ROR1: variants seen among roughly 807,000 people sequenced by gnomAD.
ROR1 encodes the protein inactive tyrosine-protein kinase transmembrane receptor ROR1.
Under a neutral mutation model 78.8 loss-of-function variants are expected in ROR1, and 19 were observed. That is an observed-to-expected ratio of 0.24 (90% CI 0.17 to 0.35). ROR1 has a LOEUF of 0.35. Among genes scored for constraint, ROR1 ranks in the 10% least tolerant of loss-of-function variants. The probability of loss-of-function intolerance (pLI) is 1.00; values close to 1 mark genes in which losing one functional copy is unlikely to be tolerated. For synonymous variants in ROR1, 386 were observed against 433.6 expected (o/e 0.89, Z 1.36); for missense variants, 917 against 1,177.8 (o/e 0.78, Z 3.24).
intron 1 of ROR1, among the ~76,000 whole-genome samples, chr1:63,959,724 A>G (rs1234576954): frequency 6.6e-6 from 1 of 152,128 alleles, no homozygotes; most frequent in Non-Finnish European, 1.5e-5. Flanking sequence ...TGAGCTAAGG[A>G]GCTAGGATTC....
intron 2 of ROR1, among the ~76,000 whole-genome samples, chr1:64,040,530 A>G (rs1396769167): frequency 3.9e-5 from 6 of 152,200 alleles, no homozygotes; most frequent in Admixed American, 3.9e-4. Context: ...GCTATAATAA[A>G]CTACCATAGA....
At chr1:64,079,970 CT>C (rs1647087831) in intron 4 of ROR1, among the ~76,000 whole-genome samples, 1 of 152,074 alleles carries the variant, frequency 6.6e-6, no homozygotes, top group Non-Finnish European at 1.5e-5. Flanking sequence ...GAGAGGGCTT[CT>C]TTCTATAATT....
chr1:64,018,905 G>T (rs1369619472), intron 2 of ROR1, among the ~76,000 whole-genome samples: 1 of 152,176 alleles, frequency 6.6e-6, no homozygotes. Flanking sequence ...AATCAGGCTA[G>T]ACCCTATTCC....
intron 4 of ROR1, among the ~76,000 whole-genome samples, chr1:64,057,794 C>T (rs1646887108): frequency 6.6e-6 from 1 of 152,112 alleles, no homozygotes; most frequent in South Asian, 2.1e-4. Flanking sequence ...TGTTCTTTTT[C>T]AAGACTTTTG....
chr1:64,046,549 G>A (rs1646787036), intron 2 of ROR1, among the ~76,000 whole-genome samples: 1 of 152,204 alleles, frequency 6.6e-6, no homozygotes, highest in African/African-American at 2.4e-5. Context: ...CAGGTGAGGT[G>A]CCTGGCCTCT....
chr1:63,942,069 C>A (rs1337383518), intron 1 of ROR1, among the ~76,000 whole-genome samples: 1 of 152,160 alleles, frequency 6.6e-6, no homozygotes. Flanking sequence ...TCCAGTGAAA[C>A]CTTTTTCTCC....
intron 4 of ROR1, among the ~76,000 whole-genome samples, chr1:64,129,429 A>G (rs556596643): frequency 6.6e-6 from 1 of 152,312 alleles, no homozygotes; most frequent in Non-Finnish European, 1.5e-5. Context: ...ATTATTCTTA[A>G]TAGGCAATTT....
intron 1 of ROR1, chr1:63,775,189 G>T (rs982838069): frequency 6.6e-6 from 1 of 152,044 alleles, no homozygotes; most frequent in African/African-American, 2.4e-5. Flanking sequence ...GCGCGCGCGC[G>T]TGTGTGTGTG....
intron 1 of ROR1, among the ~76,000 whole-genome samples, chr1:63,960,241 G>T (rs952160561): frequency 9.2e-5 from 14 of 152,166 alleles, no homozygotes; most frequent in South Asian, 2.1e-4. Context: ...GAGAATAAAA[G>T]AATTTTCCCT....
intron 2 of ROR1, among the ~76,000 whole-genome samples, chr1:64,048,515 A>G (rs990151435): frequency 1.3e-5 from 2 of 152,198 alleles, no homozygotes; most frequent in Non-Finnish European, 2.9e-5. Flanking sequence ...ATGAGAAAGT[A>G]TGGCAGGGGA....
chr1:63,787,593 C>T (rs1367555144), intron 1 of ROR1, among the ~76,000 whole-genome samples: 1 of 150,190 alleles, frequency 6.7e-6, no homozygotes, highest in African/African-American at 2.5e-5. Flanking sequence ...ATGGTGCGAT[C>T]TCAGCTCACT....
chr1:64,081,499 G>A lies in ROR1; in HGVS notation c.482+30783G>A, dbSNP rs1320912656. Among the ~76,000 whole-genome samples, 5 of 152,180 alleles carry A rather than the reference G, an allele frequency of 3.3e-5. No individual in the cohort carries two copies. In the South Asian group the frequency reaches 6.2e-4, roughly 19 times the overall value. On this transcript the variant is annotated intron_variant, in intron 4 of 8. Transcript: ENST00000371079. ...TAATGTCAAGAATAAGAAGCAGGCC[G>A]GGCTTGGTGGCTCACACCTATAATC...
chr1:63,981,580 TC>T (rs1646210491), intron 1 of ROR1, among the ~76,000 whole-genome samples: 1 of 152,128 alleles, frequency 6.6e-6, no homozygotes, highest in African/African-American at 2.4e-5. Context: ...AGGACATGGA[TC>T]CTGCCAGACT....
chr1:63,790,486 G>A (rs1644719372), intron 1 of ROR1, among the ~76,000 whole-genome samples: 1 of 152,240 alleles, frequency 6.6e-6, no homozygotes, highest in Non-Finnish European at 1.5e-5. Flanking sequence ...TCCAGAGCTG[G>A]GCTGTTTTCC....
chr1:64,038,624 T>G (rs1324004569), intron 2 of ROR1, among the ~76,000 whole-genome samples: 1 of 152,202 alleles, frequency 6.6e-6, no homozygotes, highest in Non-Finnish European at 1.5e-5. Flanking sequence ...TTCCCCTTTC[T>G]AGGGTTCTTT....
chr1:63,914,692 T>C (rs1645596191), intron 1 of ROR1, among the ~76,000 whole-genome samples: 1 of 152,112 alleles, frequency 6.6e-6, no homozygotes, highest in Non-Finnish European at 1.5e-5. Flanking sequence ...GGAACCCTCT[T>C]CTCTGCTTGG....
chr1:64,151,276 G>T (rs1210126134), intron 7 of ROR1, among the ~76,000 whole-genome samples: 1 of 152,150 alleles, frequency 6.6e-6, no homozygotes, highest in Non-Finnish European at 1.5e-5. Context: ...CACATGCTGT[G>T]GCCTTTGGTA....
chr1:63,850,636 AT>A (rs1027430338), intron 1 of ROR1, among the ~76,000 whole-genome samples: 4 of 151,658 alleles, frequency 2.6e-5, no homozygotes, highest in Admixed American at 1.3e-4. Flanking sequence ...AAGACTGGAG[AT>A]TTTTTTTTCC....
chr1:64,151,376 C>G (rs1384020178), intron 7 of ROR1, among the ~76,000 whole-genome samples: 2 of 152,162 alleles, frequency 1.3e-5, no homozygotes, highest in Non-Finnish European at 2.9e-5. Context: ...CCTTTCATCT[C>G]TGGCAAATGA....
Sources: allele counts gnomAD v4.1 joint callset (sites outside exome capture counted in the v4.1 genomes callset), GRCh38; gene constraint gnomAD v4.1.1; transcripts MANE v1.5; gene names NCBI Gene and HGNC (gene_info 2026-07-23, HGNC 2026-07-21).